The following BSN variants were observed in gnomAD, a reference collection of about 807,000 sequenced individuals.
The protein encoded by BSN is bassoon presynaptic cytomatrix protein, also known as protein bassoon.
In BSN, 57 loss-of-function variants were observed where a neutral mutation model predicts 264.8. The ratio of observed to expected loss-of-function variants is 0.22; its 90% CI spans 0.17 to 0.27. The LOEUF (loss-of-function observed/expected upper bound fraction) is 0.27. Ranked by LOEUF, BSN falls within the 10% of genes least tolerant of loss-of-function variation. The pLI is 1.00. For missense variants in BSN, 4,615 were observed against 5,232.5 expected, an observed-to-expected ratio of 0.88 and a Z score of 3.64; for synonymous variants, 2,059 against 2,137.3, an observed-to-expected ratio of 0.96 and a Z score of 1.01.
chr3:49,624,946 T>C (rs752597992), intron 1 of BSN, 29 bp from the exon 2 acceptor site: 1 of 1,492,544 alleles, frequency 6.7e-7, no homozygotes, highest in Non-Finnish European at 8.9e-7. Flanking sequence ...AAGCTGTATC[T>C]CTAACAGTCA....
intron 2 of BSN, among the ~76,000 whole-genome samples, chr3:49,641,115 A>G (rs141596964): frequency 4.6e-5 from 7 of 152,240 alleles, no homozygotes; most frequent in Admixed American, 1.3e-4. Flanking sequence ...GTTTGATCCT[A>G]TTGGTGAGAT....
chr3:49,648,771 G>A (rs985326632), intron 3 of BSN, among the ~76,000 whole-genome samples: 5 of 152,116 alleles, frequency 3.3e-5, no homozygotes, highest in Non-Finnish European at 2.9e-5. Context: ...ATCAGATAAG[G>A]TTCAAGGGAG....
chr3:49,622,019 T>C (rs1245842129), intron 1 of BSN, among the ~76,000 whole-genome samples: 3 of 152,090 alleles, frequency 2.0e-5, no homozygotes, highest in Non-Finnish European at 4.4e-5. Flanking sequence ...AGAAGCTTGT[T>C]TGTATGATAA....
At chr3:49,637,017 G>C (rs1257672081) in intron 2 of BSN, among the ~76,000 whole-genome samples, 1 of 152,250 alleles carries the variant, frequency 6.6e-6, no homozygotes, top group Admixed American at 6.5e-5. Flanking sequence ...GGCCAGTGGG[G>C]CCCTCCCAGG....
At chr3:49,580,442 T>G (rs905491719) in intron 1 of BSN, among the ~76,000 whole-genome samples, 6 of 152,170 alleles carry the variant, frequency 3.9e-5, no homozygotes, top group Non-Finnish European at 8.8e-5. Flanking sequence ...CGTATTACAT[T>G]ATAAATTTTT....
intron 2 of BSN, among the ~76,000 whole-genome samples, chr3:49,639,904 C>T (rs963567240): frequency 1.3e-5 from 2 of 152,232 alleles, no homozygotes; most frequent in African/African-American, 4.8e-5. Context: ...GGGTGCTTGC[C>T]AAAGTGCAGT....
Position 49,657,823 on chromosome 3 carries a change from G to C in BSN, c.8267G>C (p.Gly2756Ala). The C allele has an allele frequency of 6.2e-7, 1 of 1,604,486 alleles. No individual in the cohort carries two copies. The highest frequency in any genetic ancestry group is 8.5e-7 in the Non-Finnish European group (1 of 1,175,836). Reference sequence around the variant, plus strand: ...CAGATCGTCACCCCAGGGCCTCTGGGCAGATTTGAAAAAAAGAAGCCAGAT... The same window carrying C: ...CAGATCGTCACCCCAGGGCCTCTGGCCAGATTTGAAAAAAAGAAGCCAGAT... The part of the protein sequence containing the change: ...GIQIVTPGPL[G>A]RFEKKKPDPL... Residue 2756 changes from glycine to alanine, a missense_variant, in exon 5 of 12, where the codon GGC becomes GCC. Physicochemically the swap from Gly to Ala is moderately conservative, Grantham distance 60. Around this residue, in one of 3 missense-constraint regions of BSN, gnomAD observed 3,415 missense variants for 3,866.4 expected, o/e 0.88. Transcript: ENST00000296452.
chr3:49,615,569 T>C (rs745961143), intron 1 of BSN, among the ~76,000 whole-genome samples: 2 of 152,192 alleles, frequency 1.3e-5, no homozygotes, highest in Non-Finnish European at 2.9e-5. Flanking sequence ...ACCCTGGGTG[T>C]GGTACCTTCC....
chr3:49,613,303 C>CGAGAGCGAGAGAGAGAGAGA (rs2052223682), intron 1 of BSN, among the ~76,000 whole-genome samples: 3 of 47,348 alleles, frequency 6.3e-5, no homozygotes, highest in East Asian at 1.1e-3. Flanking sequence ...ACACACAGAG[C>CGAGAGCGAGAGAGAGAGAGA]GAGAGAGAGA....
intron 1 of BSN, among the ~76,000 whole-genome samples, chr3:49,601,182 A>G (rs1031191039): frequency 2.6e-5 from 4 of 152,210 alleles, no homozygotes; most frequent in African/African-American, 9.6e-5. Flanking sequence ...TGGTTCTCCA[A>G]GAGGAAGGCA....
chr3:49,585,298 T>A lies in BSN; in HGVS notation c.224+30472T>A, dbSNP rs1363276571. ...TGGGTGGGGAAACAGACTGAGGGAA[T>A]CAGAAGCACCACTGTCCATCCGGAA... is the stretch of plus-strand genomic sequence containing the variant. On this transcript the variant is annotated intron_variant, in intron 1 of 11. Coordinates refer to ENST00000296452, the MANE Select transcript of BSN (RefSeq NM_003458.4). The surrounding 1 kb of genome is among the most constrained non-coding windows in gnomAD (Gnocchi z 4.7). Among the ~76,000 whole-genome samples the A allele has an allele frequency of 1.3e-5, 2 of 152,106 alleles. No individual in the cohort carries two copies. The highest frequency in any genetic ancestry group is 2.9e-5 in the Non-Finnish European group (2 of 68,032).
Position 49,661,334 on chromosome 3 carries a change from G to A in BSN, c.9489G>A (p.Val3163=). The change falls in exon 6 of 12, where the codon GTG becomes GTA. Residue 3163 remains valine (V), a synonymous_variant. Transcript: ENST00000296452. The part of the protein sequence containing the change: ...LEQKVPTNYE[V]IASPVVPMSS... Reference sequence around the variant, plus strand: ...AGAAGGTGCCCACCAACTATGAGGTGATCGCCAGCCCCGTTGTGCCCATGT... The same window carrying A: ...AGAAGGTGCCCACCAACTATGAGGTAATCGCCAGCCCCGTTGTGCCCATGT... 1 of 1,613,974 alleles carries A rather than the reference G, an allele frequency of 6.2e-7. No homozygotes were observed. The highest frequency in any genetic ancestry group is 1.1e-5 in the South Asian group (1 of 91,082).
At chr3:49,644,926 GTT>G (rs2052494004) in intron 3 of BSN, among the ~76,000 whole-genome samples, 1 of 152,244 alleles carries the variant, frequency 6.6e-6, no homozygotes, top group Non-Finnish European at 1.5e-5. Flanking sequence ...AAACAGAAGA[GTT>G]TCGTTCACAC....
At chr3:49,627,163 C>T (rs1359964128) in intron 2 of BSN, among the ~76,000 whole-genome samples, 1 of 152,246 alleles carries the variant, frequency 6.6e-6, no homozygotes, top group East Asian at 1.9e-4. Flanking sequence ...TGTTTCTTTG[C>T]TGTGAGATTC....
chr3:49,612,068 CAGAAA>C (rs2052210283), intron 1 of BSN, among the ~76,000 whole-genome samples: 1 of 151,982 alleles, frequency 6.6e-6, no homozygotes. Flanking sequence ...GAATAAGAAA[CAGAAA>C]AGAAAACTTT....
chr3:49,593,349 C>T (rs1024447295), intron 1 of BSN, among the ~76,000 whole-genome samples: 6 of 152,140 alleles, frequency 3.9e-5, no homozygotes, highest in African/African-American at 9.7e-5. Flanking sequence ...ACAAATAAAC[C>T]TTTTATGAAC....
At chr3:49,645,220 C>G (rs1272860708) in intron 3 of BSN, among the ~76,000 whole-genome samples, 1 of 152,218 alleles carries the variant, frequency 6.6e-6, no homozygotes, top group African/African-American at 2.4e-5. Context: ...CAGGCTGCTC[C>G]TGACAGCAGT....
At chr3:49,640,195 TGAG>T (rs2052452580) in intron 2 of BSN, among the ~76,000 whole-genome samples, 1 of 152,230 alleles carries the variant, frequency 6.6e-6, no homozygotes, top group African/African-American at 2.4e-5. Flanking sequence ...CTCTGGTTGA[TGAG>T]GAGGAGACTC....
intron 1 of BSN, among the ~76,000 whole-genome samples, chr3:49,563,636 A>G (rs562495349): frequency 6.6e-6 from 1 of 152,304 alleles, no homozygotes; most frequent in South Asian, 2.1e-4. Context: ...GATCTCCTCC[A>G]ATGTCAAAGT....
Sources: allele counts gnomAD v4.1 joint callset (sites outside exome capture counted in the v4.1 genomes callset), GRCh38; gene constraint gnomAD v4.1.1; regional missense constraint gnomAD v4.1.1; non-coding constraint Gnocchi (gnomAD v3.1); transcripts MANE v1.5; gene names NCBI Gene and HGNC (gene_info 2026-07-23, HGNC 2026-07-21).